The following FBLN2 variants were observed in gnomAD, a reference collection of about 807,000 sequenced individuals.
FBLN2 encodes fibulin 2, also known as fibulin-2.
Under a neutral mutation model 123.7 loss-of-function variants are expected in FBLN2, and 81 were observed. The ratio of observed to expected loss-of-function variants is 0.65; its 90% CI spans 0.55 to 0.79. The LOEUF is 0.79. Among genes scored for constraint, FBLN2 ranks in the 30% least tolerant of loss-of-function variants. FBLN2 has a pLI of 0.00. For missense variants in FBLN2, 1,603 were observed against 1,681.3 expected (o/e 0.95, Z 0.81); for synonymous variants, 699 against 701.4 (o/e 1.00, Z 0.05).
At position 13,637,762 on chromosome 3, in the gene FBLN2, G is replaced by T. The variant is rs778004911; in HGVS notation, c.3539G>T (p.Arg1180Leu). The T allele has an allele frequency of 5.0e-6, 8 of 1,613,800 alleles. No homozygotes were observed. The Admixed American group carries it at 8.3e-5, about 17-fold the overall frequency. Residue 1180 changes from arginine to leucine, a missense_variant, in exon 18 of 18, where the codon CGC (arginine) becomes CTC (leucine). Physicochemically the swap from Arg to Leu is moderately radical, Grantham distance 102. Coordinates refer to ENST00000404922, the MANE Select transcript of FBLN2 (RefSeq NM_001004019.2). Reference protein sequence around the residue: ...KGNEEGYFGTRRLNAYTGVVY... With the variant: ...KGNEEGYFGTLRLNAYTGVVY... ...AATGAGGAGGGCTACTTTGGCACGC[G>T]CAGGCTCAATGCCTACACGGGTGTG... is the stretch of plus-strand genomic sequence containing the variant.
intron 1 of FBLN2, among the ~76,000 whole-genome samples, chr3:13,568,501 A>G (rs1159536141): frequency 6.6e-6 from 1 of 152,142 alleles, no homozygotes; most frequent in Non-Finnish European, 1.5e-5. Context: ...CAGCGCTTAC[A>G]GGCACGCCCA....
rs542663666 is a variant in FBLN2 at position 13,589,283 on chromosome 3, T to C, written c.1306+17622T>C. On this transcript the variant is annotated intron_variant, in intron 2 of 17. Coordinates refer to ENST00000404922, the MANE Select transcript of FBLN2 (RefSeq NM_001004019.2). ...ACATCACTGGCTCCCTGGAAGGCTG[T>C]GGAAGGGTGAGGCTTGTCCATGGGT... 6.6e-5 allele frequency among the ~76,000 whole-genome samples: 10 copies of C among 152,340 alleles called. No homozygotes were observed. In the East Asian group the frequency reaches 1.2e-3, roughly 18 times the overall value.
chr3:13,598,223 G>C (rs1704909836), intron 2 of FBLN2, among the ~76,000 whole-genome samples: 1 of 152,364 alleles, frequency 6.6e-6, no homozygotes, highest in South Asian at 2.1e-4. Context: ...TTATGTGCCA[G>C]GAGACAGGAG....
intron 2 of FBLN2, among the ~76,000 whole-genome samples, chr3:13,590,441 T>C (rs766457361): frequency 6.6e-5 from 10 of 152,230 alleles, no homozygotes; most frequent in Non-Finnish European, 1.0e-4. Context: ...TTCTCATGCC[T>C]CAGCCTCCCA....
rs144802905 is a variant in FBLN2 at position 13,621,498 on chromosome 3, C to T, written c.2156-277C>T. Among the ~76,000 whole-genome samples, 1,059 of 152,196 alleles carry T rather than the reference C, an allele frequency of 7.0e-3. 11 individuals are homozygous for T. The highest frequency in any genetic ancestry group is 0.024 in the African/African-American group (1,008 of 41,534). ...CCGTGGATGTGGGAAGTATCGAGTGCGTACGGGAGGCAGCCTCTGGTCCTG... is the reference window on the plus strand; with the variant it reads ...CCGTGGATGTGGGAAGTATCGAGTGTGTACGGGAGGCAGCCTCTGGTCCTG... On this transcript the variant is annotated intron_variant, in intron 8 of 17. Transcript: ENST00000404922.
intron 1 of FBLN2, among the ~76,000 whole-genome samples, chr3:13,564,506 G>A (rs1416351173): frequency 6.6e-6 from 1 of 152,238 alleles, no homozygotes; most frequent in Non-Finnish European, 1.5e-5. Context: ...TTTCAGATAA[G>A]TGACAGATGT....
chr3:13,600,812 C>G (rs1241170994), intron 2 of FBLN2, among the ~76,000 whole-genome samples: 1 of 152,096 alleles, frequency 6.6e-6, no homozygotes, highest in Non-Finnish European at 1.5e-5. Flanking sequence ...GATGGGTTTT[C>G]GCCATGTTGG....
chr3:13,631,442 G>A lies in FBLN2; in HGVS notation c.3199G>A (p.Gly1067Arg), dbSNP rs771941774. 43 of 1,593,120 alleles carry A rather than the reference G, an allele frequency of 2.7e-5. No homozygotes were observed. Among genetic ancestry groups the A allele is most frequent in the African/African-American group, 1.3e-4 (10 of 74,490 alleles). Reference sequence around the variant, plus strand: ...GCAGGGCTACACCATGACGGCCAACGGGAGGTCCTGCAAGGGTGAGCAAGT... The same window carrying A: ...GCAGGGCTACACCATGACGGCCAACAGGAGGTCCTGCAAGGGTGAGCAAGT... ...PEQGYTMTANGRSCKDVDECA... is the reference protein window; with the variant it reads ...PEQGYTMTANRRSCKDVDECA... The change falls in exon 16 of 18, where the codon GGG becomes AGG. Residue 1067 changes from glycine to arginine, a missense_variant. Transcript: ENST00000404922.
Position 13,627,763 on chromosome 3 carries a change from G to T in FBLN2, c.2432-69G>T, listed in dbSNP as rs1013996975. ...CATGGGTCTGAGGGCGGGGATGTGTGGGCAGGGCTGCTGAGTGTAAAGGCA... is the reference window on the plus strand; with the variant it reads ...CATGGGTCTGAGGGCGGGGATGTGTTGGCAGGGCTGCTGAGTGTAAAGGCA... On this transcript the variant is annotated intron_variant, in intron 10 of 17. Transcript: ENST00000404922. 46 of 1,509,998 alleles carry T rather than the reference G, an allele frequency of 3.0e-5. No individual in the cohort carries two copies. The Admixed American group carries it at 3.1e-4, about 10-fold the overall frequency. The allele number at this position is 1,509,998 out of a possible 1,614,324, so 93.5% of individuals were successfully genotyped here.
At chr3:13,584,681 G>A (rs1205926120) in intron 2 of FBLN2, among the ~76,000 whole-genome samples, 1 of 152,244 alleles carries the variant, frequency 6.6e-6, no homozygotes, top group African/African-American at 2.4e-5. Flanking sequence ...GGGCTGACGG[G>A]TGGAAGGTGG....
intron 9 of FBLN2, among the ~76,000 whole-genome samples, chr3:13,623,959 G>A (rs1359647122): frequency 6.6e-6 from 1 of 152,256 alleles, no homozygotes; most frequent in Non-Finnish European, 1.5e-5. Context: ...AAGTGGGACA[G>A]TATTGGGTGT....
chr3:13,632,578 C>T (rs1706292773), intron 16 of FBLN2, among the ~76,000 whole-genome samples: 1 of 152,198 alleles, frequency 6.6e-6, no homozygotes, highest in South Asian at 2.1e-4. Context: ...TAGCATAGAA[C>T]AGAAAGCAGC....
intron 5 of FBLN2, among the ~76,000 whole-genome samples, chr3:13,615,363 C>A (rs960800669): frequency 1.3e-5 from 2 of 152,218 alleles, no homozygotes; most frequent in South Asian, 4.1e-4. Flanking sequence ...CCAGTTTTTT[C>A]GCTGTTCCTA....
intron 4 of FBLN2, among the ~76,000 whole-genome samples, chr3:13,611,188 C>G (rs1202133403): frequency 2.0e-5 from 3 of 152,166 alleles, no homozygotes; most frequent in African/African-American, 7.2e-5. Context: ...CTCAAATGAT[C>G]TACCCACCTT....
chr3:13,587,650 AT>A (rs2124850773), intron 2 of FBLN2, among the ~76,000 whole-genome samples: 1 of 152,352 alleles, frequency 6.6e-6, no homozygotes, highest in Non-Finnish European at 1.5e-5. Flanking sequence ...AGGCCTCATT[AT>A]ATCTCTCACA....
At chr3:13,565,650 A>G (rs545435436) in intron 1 of FBLN2, among the ~76,000 whole-genome samples, 82 of 152,352 alleles carry the variant, frequency 5.4e-4, no homozygotes, top group South Asian at 1.7e-3. Flanking sequence ...TAAAGCGTTC[A>G]TCTTTTAAAA....
chr3:13,634,846 A>G (rs1706402325), intron 16 of FBLN2, among the ~76,000 whole-genome samples: 1 of 152,244 alleles, frequency 6.6e-6, no homozygotes, highest in Non-Finnish European at 1.5e-5. Flanking sequence ...GACCCTGGGC[A>G]CATTTGTGGA....
intron 16 of FBLN2, 103 bp downstream of exon 16, chr3:13,631,560 A>G (rs1056601339): frequency 2.2e-6 from 3 of 1,348,796 alleles, no homozygotes; most frequent in Admixed American, 5.3e-5. Context: ...TGGAGCCCCC[A>G]CACCCAGTGA....
chr3:13,577,222 CAAAAA>C (rs34445954), intron 2 of FBLN2, among the ~76,000 whole-genome samples: 2 of 59,934 alleles, frequency 3.3e-5, no homozygotes, highest in Non-Finnish European at 3.4e-5. Flanking sequence ...GACTCCGTCT[CAAAAA>C]AAAAAAAAAA....
Sources: gnomAD v4.1 joint callset for allele counts (sites outside exome capture counted in the v4.1 genomes callset) on GRCh38, gnomAD v4.1.1 for gene constraint, MANE v1.5 for transcripts, NCBI Gene and HGNC (gene_info 2026-07-23, HGNC 2026-07-21) for gene names.